Variants in ANXA8 observed in about 807,000 individuals in gnomAD.
The protein encoded by ANXA8 is VAC-beta.
In ANXA8, 9 loss-of-function variants were observed where a neutral mutation model predicts 26.8. That is an observed-to-expected ratio of 0.34 (90% confidence interval 0.20 to 0.59). ANXA8 has a LOEUF of 0.59. Ranked by LOEUF, ANXA8 falls within the 20% of genes least tolerant of loss-of-function variation. ANXA8 has a pLI of 0.84. For missense variants in ANXA8, 83 were observed against 238.5 expected (o/e 0.35, Z 4.29); for synonymous variants, 39 against 94.8 (o/e 0.41, Z 3.42).
chr10:47,571,944 G>T, the ANXA8 span, among the ~76,000 whole-genome samples: 2 of 144,278 alleles, frequency 1.4e-5, no homozygotes, highest in Non-Finnish European at 3.0e-5. Flanking sequence ...GACCAGTATT[G>T]CCATCTCAAC....
At chr10:47,955,457 T>A in the ANXA8 span, among the ~76,000 whole-genome samples, 5 of 149,618 alleles carry the variant, frequency 3.3e-5, no homozygotes, top group African/African-American at 1.2e-4. Flanking sequence ...TACAGCCCAT[T>A]ACATACCTGG....
the ANXA8 span, among the ~76,000 whole-genome samples, chr10:47,667,538 A>T: frequency 1.3e-5 from 2 of 151,568 alleles, no homozygotes. Context: ...TTATTTATAT[A>T]TTTTTAAATT....
the ANXA8 span, among the ~76,000 whole-genome samples, chr10:47,666,577 C>G: frequency 1.3e-5 from 2 of 151,888 alleles, no homozygotes; most frequent in South Asian, 2.1e-4. Flanking sequence ...CTTTTTCCCT[C>G]TAATTCATTT....
At chr10:47,631,047 C>A in the ANXA8 span, among the ~76,000 whole-genome samples, 3 of 150,004 alleles carry the variant, frequency 2.0e-5, no homozygotes, top group African/African-American at 7.6e-5. Context: ...AGCTGCCTTA[C>A]TTAATGTAAC....
chr10:47,663,196 AG>A, the ANXA8 span, among the ~76,000 whole-genome samples: 1 of 147,324 alleles, frequency 6.8e-6, no homozygotes. Flanking sequence ...AAAAGAAAAA[AG>A]TCTATGTGGA....
chr10:47,474,409 G>A lies in ANXA8; in HGVS notation c.553-11C>T. Reference sequence around the variant, plus strand: ...TGCCGCATACAGATCCTAGCATTGGGACACCCACAATAAGCCAGTGAGGGA... The same window carrying A: ...TGCCGCATACAGATCCTAGCATTGGAACACCCACAATAAGCCAGTGAGGGA... On this transcript the variant is annotated splice_polypyrimidine_tract_variant and intron_variant, in intron 7 of 11. Transcript: ENST00000585281. The A allele has an allele frequency of 2.1e-6, 3 of 1,402,492 alleles. No individual in the cohort carries two copies. Among genetic ancestry groups the A allele is most frequent in the Non-Finnish European group, 2.8e-6 (3 of 1,053,196 alleles). 86.9% of individuals were successfully genotyped at this position (1,402,492 alleles called of 1,614,324 possible).
At chr10:47,605,775 C>A in the ANXA8 span, among the ~76,000 whole-genome samples, 3 of 149,100 alleles carry the variant, frequency 2.0e-5, no homozygotes, top group Non-Finnish European at 4.4e-5. Context: ...GGAGATAGAT[C>A]AAAAGACACA....
chr10:47,506,452 T>A, the ANXA8 span, among the ~76,000 whole-genome samples: 2 of 137,858 alleles, frequency 1.5e-5, 1 homozygote, highest in Non-Finnish European at 3.1e-5. Context: ...TGCCTCAGCC[T>A]CCCAAGTAAC....
At chr10:47,588,518 T>C in the ANXA8 span, among the ~76,000 whole-genome samples, 21 of 141,060 alleles carry the variant, frequency 1.5e-4, 1 homozygote, top group African/African-American at 6.1e-4. Context: ...GAGTTTTTTC[T>C]AGCATGTGTG....
chr10:47,944,478 C>T, the ANXA8 span, among the ~76,000 whole-genome samples: 2 of 150,084 alleles, frequency 1.3e-5, no homozygotes, highest in African/African-American at 5.0e-5. Flanking sequence ...CATCTAATCT[C>T]CTGATATGGT....
chr10:47,506,918 C>T, the ANXA8 span, among the ~76,000 whole-genome samples: 16 of 133,834 alleles, frequency 1.2e-4, no homozygotes, highest in Non-Finnish European at 1.6e-4. Context: ...GGATTACAGG[C>T]GTGAGCCACT....
the ANXA8 span, among the ~76,000 whole-genome samples, chr10:47,595,726 A>T: frequency 6.7e-6 from 1 of 149,406 alleles, no homozygotes; most frequent in African/African-American, 2.6e-5. Context: ...TCTTAAATAA[A>T]TATGCACCCA....
At chr10:47,474,274 G>A in intron 8 of ANXA8, 31 bp downstream of exon 8, 2 of 1,582,446 alleles carry the variant, frequency 1.3e-6, no homozygotes, top group African/African-American at 2.7e-5. Flanking sequence ...ACCCCCTGTG[G>A]CCCCGGCCCC....
chr10:47,949,524 T>C, the ANXA8 span, among the ~76,000 whole-genome samples: 2 of 150,484 alleles, frequency 1.3e-5, no homozygotes, highest in African/African-American at 4.9e-5. Flanking sequence ...CATTTTTAAA[T>C]TTCCTTAAAA....
At chr10:47,656,242 C>CA in the ANXA8 span, among the ~76,000 whole-genome samples, 1 of 151,540 alleles carries the variant, frequency 6.6e-6, no homozygotes, top group East Asian at 1.9e-4. Context: ...ACAAAAAATA[C>CA]AAAAAATTAG....
the ANXA8 span, among the ~76,000 whole-genome samples, chr10:47,679,584 G>A: frequency 1.3e-5 from 2 of 151,982 alleles, no homozygotes; most frequent in Non-Finnish European, 2.9e-5. Flanking sequence ...TCCACCCAGG[G>A]TGATAAAGCA....
At chr10:47,497,763 C>A in the ANXA8 span, among the ~76,000 whole-genome samples, 2 of 150,134 alleles carry the variant, frequency 1.3e-5, no homozygotes, top group Non-Finnish European at 3.0e-5. Context: ...CATGGTGAAA[C>A]CCCGTCTCTA....
At chr10:47,743,329 C>CATATATATATACAT in the ANXA8 span, among the ~76,000 whole-genome samples, 1 of 47,792 alleles carries the variant, frequency 2.1e-5, no homozygotes, top group East Asian at 6.6e-4. Flanking sequence ...TATATATATA[C>CATATATATATACAT]ATATATATAT....
the ANXA8 span, among the ~76,000 whole-genome samples, chr10:47,536,772 C>T: frequency 5.2e-4 from 66 of 126,452 alleles, 12 homozygotes; most frequent in Non-Finnish European, 6.5e-4. Flanking sequence ...CCTGGGCAAA[C>T]ACACTGAGGC....
Sources: allele counts gnomAD v4.1 joint callset (sites outside exome capture counted in the v4.1 genomes callset), GRCh38; gene constraint gnomAD v4.1.1; transcripts MANE v1.5; gene names NCBI Gene and HGNC (gene_info 2026-07-23, HGNC 2026-07-21).